The following TCF4 variants were observed in gnomAD, a reference collection of about 807,000 sequenced individuals.
The protein encoded by TCF4 is SL3-3 enhancer factor 2.
In TCF4, 3 loss-of-function variants were observed where a neutral mutation model predicts 82.1. The observed-to-expected ratio is 0.04, with a 90% CI of 0.02 to 0.09. The LOEUF is 0.09. Among genes scored for constraint, TCF4 ranks in the 10% least tolerant of loss-of-function variants. TCF4 has a pLI of 1.00. For missense variants in TCF4, 518 were observed against 852.7 expected, an observed-to-expected ratio of 0.61 and a Z score of 4.89; for synonymous variants, 276 against 309.6, an observed-to-expected ratio of 0.89 and a Z score of 1.14.
intron 3 of TCF4, among the ~76,000 whole-genome samples, chr18:55,513,939 A>C (rs539805798): frequency 1.4e-4 from 21 of 152,310 alleles, no homozygotes; most frequent in Middle Eastern, 6.8e-3. Context: ...GTTATCATAA[A>C]CATGCAAATC....
chr18:55,432,699 C>A (rs1294543187), intron 5 of TCF4, among the ~76,000 whole-genome samples: 1 of 152,234 alleles, frequency 6.6e-6, no homozygotes, highest in Non-Finnish European at 1.5e-5. Flanking sequence ...AATTCTGATT[C>A]TCTAAATTGC....
At chr18:55,538,772 T>C (rs936045655) in intron 3 of TCF4, among the ~76,000 whole-genome samples, 6 of 152,204 alleles carry the variant, frequency 3.9e-5, no homozygotes, top group Non-Finnish European at 8.8e-5. Context: ...CACTCTTCTG[T>C]GTATTCTCTA....
chr18:55,596,721 G>A (rs2097691274), intron 2 of TCF4, among the ~76,000 whole-genome samples: 1 of 152,042 alleles, frequency 6.6e-6, no homozygotes, highest in African/African-American at 2.4e-5. Flanking sequence ...AAGTGAAATG[G>A]CATAACGGAA....
chr18:55,304,453 TA>T (rs1243274245), intron 8 of TCF4, among the ~76,000 whole-genome samples: 1 of 152,206 alleles, frequency 6.6e-6, no homozygotes, highest in Admixed American at 6.5e-5. Context: ...AAAGGTATGC[TA>T]AACAGCACAC....
chr18:55,570,293 G>C (rs1478726474), intron 3 of TCF4, among the ~76,000 whole-genome samples: 1 of 152,118 alleles, frequency 6.6e-6, no homozygotes, highest in Admixed American at 6.6e-5. Flanking sequence ...CAACCTTGGG[G>C]TAAGAAGGCT....
chr18:55,256,511 T>G (rs2056879514), intron 14 of TCF4, among the ~76,000 whole-genome samples: 1 of 152,124 alleles, frequency 6.6e-6, no homozygotes, highest in Non-Finnish European at 1.5e-5. Flanking sequence ...CCTTTGCTTT[T>G]CTTTTCAGAT....
chr18:55,597,830 C>T (rs996820127), intron 2 of TCF4, among the ~76,000 whole-genome samples: 1 of 152,090 alleles, frequency 6.6e-6, no homozygotes, highest in Admixed American at 6.5e-5. Context: ...CCCTCCAACC[C>T]CCTCCCCACC....
At chr18:55,345,777 C>T (rs562455422) in intron 8 of TCF4, among the ~76,000 whole-genome samples, 2 of 151,882 alleles carry the variant, frequency 1.3e-5, no homozygotes, top group Non-Finnish European at 2.9e-5. Flanking sequence ...CACTTGTGAT[C>T]GATATCATAT....
intron 14 of TCF4, among the ~76,000 whole-genome samples, chr18:55,255,536 A>C (rs2056588668): frequency 6.6e-6 from 1 of 152,186 alleles, no homozygotes; most frequent in South Asian, 2.1e-4. Context: ...TTTTTAGTGA[A>C]GAAAATGTAT....
chr18:55,271,077 T>C (rs2145991345), intron 10 of TCF4, among the ~76,000 whole-genome samples: 1 of 152,194 alleles, frequency 6.6e-6, no homozygotes, highest in Admixed American at 6.5e-5. Context: ...ACCCAAGCAT[T>C]TGCTCACGAG....
chr18:55,384,025 T>C (rs905220247), intron 6 of TCF4: 1 of 152,218 alleles, frequency 6.6e-6, no homozygotes, highest in Non-Finnish European at 1.5e-5. Context: ...ATCTCATGTC[T>C]TCCTCTACTA....
chr18:55,493,405 T>A (rs1317991829), intron 3 of TCF4, among the ~76,000 whole-genome samples: 1 of 152,164 alleles, frequency 6.6e-6, no homozygotes. Flanking sequence ...TAATGCAGAA[T>A]GGACTGAAAA....
intron 5 of TCF4, among the ~76,000 whole-genome samples, chr18:55,412,034 C>A (rs569454415): frequency 1.3e-5 from 2 of 152,290 alleles, no homozygotes; most frequent in South Asian, 4.1e-4. Context: ...AGCCACCATG[C>A]CCAACAGATT....
intron 5 of TCF4, chr18:55,423,427 G>GCGCGCA (rs1491432938): frequency 2.8e-5 from 3 of 106,044 alleles, no homozygotes; most frequent in Non-Finnish European, 3.8e-5. Flanking sequence ...ACGCGCGCGC[G>GCGCGCA]CACACACACA....
At chr18:55,572,699 A>G (rs1408999388) in intron 3 of TCF4, among the ~76,000 whole-genome samples, 1 of 152,186 alleles carries the variant, frequency 6.6e-6, no homozygotes, top group Non-Finnish European at 1.5e-5. Flanking sequence ...AGTGAATTCA[A>G]TTCAACAGGT....
At chr18:55,391,919 C>CA (rs1221496808) in intron 6 of TCF4, among the ~76,000 whole-genome samples, 1 of 127,826 alleles carries the variant, frequency 7.8e-6, no homozygotes, top group Non-Finnish European at 1.6e-5. Context: ...GCCTGGGCGA[C>CA]AGAGTGAGAC....
intron 3 of TCF4, among the ~76,000 whole-genome samples, chr18:55,479,832 C>A (rs1951169968): frequency 6.6e-6 from 1 of 152,138 alleles, no homozygotes; most frequent in Non-Finnish European, 1.5e-5. Context: ...AATGCATCTT[C>A]CAAAACAGAC....
intron 3 of TCF4, among the ~76,000 whole-genome samples, chr18:55,574,320 ATATTT>A (rs546224088): frequency 6.6e-6 from 1 of 152,086 alleles, no homozygotes; most frequent in Non-Finnish European, 1.5e-5. Context: ...ATATTTCAAC[ATATTT>A]TATTTTATTT....
intron 14 of TCF4, among the ~76,000 whole-genome samples, chr18:55,256,718 C>T (rs2056940685): frequency 6.6e-6 from 1 of 152,152 alleles, no homozygotes; most frequent in Non-Finnish European, 1.5e-5. Context: ...GCTGCACAAC[C>T]AGCATTGTTT....
Sources: gnomAD v4.1 joint callset for allele counts (sites outside exome capture counted in the v4.1 genomes callset) on GRCh38, gnomAD v4.1.1 for gene constraint, MANE v1.5 for transcripts, NCBI Gene and HGNC (gene_info 2026-07-23, HGNC 2026-07-21) for gene names.